Variants in ARHGAP26 observed in about 807,000 individuals in gnomAD.
The protein encoded by ARHGAP26 is rho GTPase-activating protein 26.
In ARHGAP26, 38 loss-of-function variants were observed where a neutral mutation model predicts 104.8. The ratio of observed to expected loss-of-function variants is 0.36; its 90% confidence interval spans 0.28 to 0.48. The LOEUF (loss-of-function observed/expected upper bound fraction) is 0.48, where lower values mean the gene tolerates loss of function less well. Ranked by LOEUF, ARHGAP26 falls within the 20% of genes least tolerant of loss-of-function variation. The pLI, the probability that ARHGAP26 is intolerant of heterozygous loss-of-function variation, is 0.99. For synonymous variants in ARHGAP26, 341 were observed against 340.0 expected, an observed-to-expected ratio of 1.00 and a Z score of -0.03; for missense variants, 704 against 947.9, an observed-to-expected ratio of 0.74 and a Z score of 3.38.
intron 11 of ARHGAP26, among the ~76,000 whole-genome samples, chr5:142,943,890 C>T (rs1213215580): frequency 6.6e-6 from 1 of 151,928 alleles, no homozygotes; most frequent in African/African-American, 2.4e-5. Context: ...TTAGCTTAAC[C>T]TTTGGGGAAT....
intron 3 of ARHGAP26, among the ~76,000 whole-genome samples, chr5:142,878,452 T>C (rs1018180268): frequency 2.6e-5 from 4 of 152,184 alleles, no homozygotes; most frequent in African/African-American, 9.7e-5. Context: ...TGAGTGCTGC[T>C]TTGTCTCAGC....
At chr5:143,128,961 A>T (rs1186150257) in intron 18 of ARHGAP26, among the ~76,000 whole-genome samples, 1 of 152,236 alleles carries the variant, frequency 6.6e-6, no homozygotes, top group Non-Finnish European at 1.5e-5. Flanking sequence ...CACACATTAC[A>T]GGGAGACTCC....
chr5:142,943,959 C>A (rs558257513), intron 11 of ARHGAP26, among the ~76,000 whole-genome samples: 1 of 152,124 alleles, frequency 6.6e-6, no homozygotes. Flanking sequence ...TCATAATGCA[C>A]GTTAATTTTG....
chr5:142,999,828 C>G (rs1354297098), intron 11 of ARHGAP26, among the ~76,000 whole-genome samples: 4 of 152,064 alleles, frequency 2.6e-5, no homozygotes, highest in Admixed American at 2.6e-4. Flanking sequence ...ATTAAGAAAT[C>G]AACTGGCAAG....
At chr5:143,093,364 G>A (rs1791745768) in intron 17 of ARHGAP26, among the ~76,000 whole-genome samples, 1 of 152,120 alleles carries the variant, frequency 6.6e-6, no homozygotes, top group Non-Finnish European at 1.5e-5. Flanking sequence ...TTCGGGCCTT[G>A]TTTACACTGA....
intron 1 of ARHGAP26, among the ~76,000 whole-genome samples, chr5:142,787,897 C>T (rs1306307974): frequency 6.6e-6 from 1 of 152,002 alleles, no homozygotes; most frequent in Admixed American, 6.6e-5. Flanking sequence ...CTACATAATA[C>T]TCCAAGTATA....
At chr5:142,917,273 A>G (rs763169389) in intron 10 of ARHGAP26, among the ~76,000 whole-genome samples, 5 of 152,094 alleles carry the variant, frequency 3.3e-5, no homozygotes, top group Non-Finnish European at 5.9e-5. Flanking sequence ...TACTGACCTC[A>G]GGTGATCCAC....
intron 1 of ARHGAP26, among the ~76,000 whole-genome samples, chr5:142,846,708 T>C (rs1238965184): frequency 6.6e-6 from 1 of 152,242 alleles, no homozygotes; most frequent in Non-Finnish European, 1.5e-5. Flanking sequence ...TGTGAGAATC[T>C]ATATATAGGA....
intron 19 of ARHGAP26, among the ~76,000 whole-genome samples, chr5:143,143,572 G>C (rs1427645117): frequency 6.6e-6 from 1 of 152,144 alleles, no homozygotes; most frequent in Non-Finnish European, 1.5e-5. Flanking sequence ...GGACATTTAT[G>C]GTCCCTGTCT....
intron 17 of ARHGAP26, among the ~76,000 whole-genome samples, chr5:143,117,180 A>G (rs1158741966): frequency 6.6e-6 from 1 of 152,220 alleles, no homozygotes; most frequent in Non-Finnish European, 1.5e-5. Context: ...ATTCTGAGCC[A>G]TGTGAGGAGG....
chr5:143,006,121 A>G (rs1294393132), intron 11 of ARHGAP26, among the ~76,000 whole-genome samples: 4 of 152,156 alleles, frequency 2.6e-5, no homozygotes, highest in African/African-American at 4.8e-5. Context: ...GCCAAATAAG[A>G]TAAATCTGTA....
intron 12 of ARHGAP26, among the ~76,000 whole-genome samples, chr5:143,034,633 A>C (rs1782351385): frequency 6.6e-6 from 1 of 152,186 alleles, no homozygotes; most frequent in Admixed American, 6.5e-5. Flanking sequence ...GGAGGAGGGC[A>C]AAAATGTTCT....
intron 20 of ARHGAP26, chr5:143,170,697 A>C (rs1802656561): frequency 6.6e-6 from 1 of 152,236 alleles, no homozygotes; most frequent in African/African-American, 2.4e-5. Flanking sequence ...CACATGAGGC[A>C]TAGAGAGATT....
At chr5:143,012,206 T>A (rs541946184) in intron 11 of ARHGAP26, among the ~76,000 whole-genome samples, 1 of 152,236 alleles carries the variant, frequency 6.6e-6, no homozygotes, top group East Asian at 1.9e-4. Context: ...ATAAGTGGCC[T>A]GGTAGCTTTA....
chr5:143,115,363 G>C (rs1019487767), intron 17 of ARHGAP26, among the ~76,000 whole-genome samples: 1 of 15,038 alleles, frequency 6.6e-5, no homozygotes, highest in Admixed American at 2.9e-3. Flanking sequence ...AAAAACGAAA[G>C]AAAGAAAAGA....
chr5:142,922,939 C>G (rs933884688), intron 10 of ARHGAP26, among the ~76,000 whole-genome samples: 2 of 152,178 alleles, frequency 1.3e-5, no homozygotes, highest in African/African-American at 4.8e-5. Context: ...TTTCCTTCCT[C>G]AGAGGGTGTT....
chr5:143,178,906 A>G (rs1009629280), intron 20 of ARHGAP26, among the ~76,000 whole-genome samples: 10 of 151,342 alleles, frequency 6.6e-5, no homozygotes, highest in African/African-American at 9.7e-5. Flanking sequence ...GTCTCACTCT[A>G]TCACCCAGGG....
chr5:143,072,504 T>C (rs116389069), intron 17 of ARHGAP26, among the ~76,000 whole-genome samples: 3,258 of 152,320 alleles, frequency 0.021, 119 homozygotes, highest in African/African-American at 0.071. Flanking sequence ...TACCAACCTA[T>C]GTGTCCAGCA....
At chr5:143,213,895 G>C (rs143837873) in intron 21 of ARHGAP26, 102 bp from the exon 22 acceptor site, 1 of 707,448 alleles carries the variant, frequency 1.4e-6, no homozygotes, top group Non-Finnish European at 2.3e-6. Context: ...CCACGAGAGG[G>C]GACTAGGTAG....
Sources: gnomAD v4.1 joint callset for allele counts (sites outside exome capture counted in the v4.1 genomes callset) on GRCh38, gnomAD v4.1.1 for gene constraint, MANE v1.5 for transcripts, NCBI Gene and HGNC (gene_info 2026-07-23, HGNC 2026-07-21) for gene names.